MGST1: variants seen among roughly 807,000 people sequenced by gnomAD.
MGST1 encodes glutathione S-transferase 12.
In MGST1, 5 loss-of-function variants were observed where a neutral mutation model predicts 8.9. The observed-to-expected ratio is 0.56, with a 90% confidence interval of 0.29 to 1.19. MGST1 has a LOEUF of 1.19. Ranked by LOEUF, MGST1 falls within the 50% of genes most tolerant of loss-of-function variation. The pLI is 0.08. For missense variants in MGST1, 182 were observed against 187.4 expected (o/e 0.97, Z 0.17); for synonymous variants, 54 against 67.8 (o/e 0.80, Z 1.00).
chr12:16,414,037 A>C (rs1001374119), intron 1 of MGST1, among the ~76,000 whole-genome samples: 20 of 151,630 alleles, frequency 1.3e-4, no homozygotes, highest in South Asian at 4.2e-4. Flanking sequence ...TTGCCTGCTA[A>C]GAGTTGGGAC....
chr12:16,412,103 T>G lies in MGST1; in HGVS notation n.779-25285T>G, dbSNP rs191565392. On this transcript the variant is annotated intron_variant and non_coding_transcript_variant, in intron 1 of 1. Transcript: ENST00000359720. ...TTTTTAAATTAAGAAGTTTTACACT[T>G]GCAGTGTGGACATTGAGGCTATATT... 3.1e-3 allele frequency among the ~76,000 whole-genome samples: 470 copies of G among 152,308 alleles called. 1 individual carries two copies. The highest frequency in any genetic ancestry group is 3.8e-3 in the Non-Finnish European group (261 of 68,028).
intron 4 of MGST1, among the ~76,000 whole-genome samples, chr12:16,460,561 G>T (rs1167910628): frequency 6.7e-6 from 1 of 150,058 alleles, no homozygotes; most frequent in East Asian, 2.0e-4. Context: ...GCTTGAGCCT[G>T]CCTAGGGCTT....
At chr12:16,529,493 T>C (rs1941709396) in intron 4 of MGST1, among the ~76,000 whole-genome samples, 1 of 152,050 alleles carries the variant, frequency 6.6e-6, no homozygotes, top group Non-Finnish European at 1.5e-5. Flanking sequence ...CACAAGTCTA[T>C]CAACAATTTC....
chr12:16,402,957 ATAT>A (rs1329260436), intron 1 of MGST1, among the ~76,000 whole-genome samples: 27 of 149,162 alleles, frequency 1.8e-4, no homozygotes, highest in Non-Finnish European at 7.4e-5. Context: ...TATATTCTCT[ATAT>A]ATTTATTATT....
At chr12:16,581,425 C>T (rs2137539279) in intron 4 of MGST1, among the ~76,000 whole-genome samples, 1 of 152,174 alleles carries the variant, frequency 6.6e-6, no homozygotes, top group African/African-American at 2.4e-5. Flanking sequence ...CAGCACTTAG[C>T]ACATATATAA....
In MGST1 at chr12:16,413,569, T is replaced by G. The variant is rs1462412065; in HGVS notation, n.779-23819T>G. Among the ~76,000 whole-genome samples the G allele has an allele frequency of 6.6e-6, 1 of 152,148 alleles. No individual in the cohort carries two copies. The highest frequency in any genetic ancestry group is 1.9e-4 in the East Asian group (1 of 5,196). ...TGGTGAAATACCCATCACACCTGAT[T>G]CCCTTTTATCCCCTCCCCAGGTCCA... On this transcript the variant is annotated intron_variant and non_coding_transcript_variant, in intron 1 of 1. Coordinates refer to the MGST1 transcript ENST00000359720. This position sits in a 1 kb window ranked among gnomAD's most constrained non-coding sequence, Gnocchi z 4.0.
chr12:16,365,919 TTA>T (rs1940180338), downstream of MGST1, among the ~76,000 whole-genome samples: 1 of 152,230 alleles, frequency 6.6e-6, no homozygotes, highest in African/African-American at 2.4e-5. Context: ...CATGTGTGAA[TTA>T]TCTCAGTAAT....
intron 4 of MGST1, among the ~76,000 whole-genome samples, chr12:16,472,451 A>T (rs1355421395): frequency 5.0e-5 from 7 of 141,228 alleles, no homozygotes; most frequent in Admixed American, 7.0e-5. Context: ...TTTTTTTTTT[A>T]AAGTCCTCTG....
downstream of MGST1, among the ~76,000 whole-genome samples, chr12:16,440,014 T>G (rs1941026042): frequency 6.6e-6 from 1 of 151,758 alleles, no homozygotes; most frequent in Admixed American, 6.6e-5. Flanking sequence ...CACAGCAACA[T>G]TAAAATGACT....
intron 4 of MGST1, among the ~76,000 whole-genome samples, chr12:16,575,405 C>T (rs556452874): frequency 2.0e-5 from 3 of 152,246 alleles, no homozygotes; most frequent in East Asian, 1.9e-4. Flanking sequence ...CAAAGATTTC[C>T]CTTTGCTTAC....
chr12:16,438,669 G>A (rs949403398), exon 2 of MGST1: 6 of 151,738 alleles, frequency 4.0e-5, no homozygotes, highest in Non-Finnish European at 8.8e-5. Flanking sequence ...TTTCTGCTTC[G>A]TTTCCTTCTT....
intron 4 of MGST1, among the ~76,000 whole-genome samples, chr12:16,505,265 C>G (rs937159677): frequency 3.9e-5 from 6 of 152,098 alleles, no homozygotes; most frequent in Non-Finnish European, 8.8e-5. Flanking sequence ...AATGCCTGTT[C>G]AATAAGCATA....
intron 4 of MGST1, among the ~76,000 whole-genome samples, chr12:16,536,803 C>T (rs1434698154): frequency 7.2e-5 from 11 of 152,156 alleles, no homozygotes; most frequent in Admixed American, 5.2e-4. Context: ...AAACTACCCT[C>T]ATGATTCAAA....
At chr12:16,468,334 C>G (rs1476687475) in intron 4 of MGST1, among the ~76,000 whole-genome samples, 1 of 152,140 alleles carries the variant, frequency 6.6e-6, no homozygotes, top group Non-Finnish European at 1.5e-5. Flanking sequence ...TACAATTTTT[C>G]AAACATAGAA....
rs138649170 is a variant in MGST1, at chr12:16,388,068, T to G, written n.778+4464T>G. 4.5e-4 allele frequency among the ~76,000 whole-genome samples: 68 copies of G among 152,076 alleles called. 1 individual carries two copies. Among genetic ancestry groups the G allele is most frequent in the South Asian group, 1.5e-3 (7 of 4,810 alleles). On this transcript the variant is annotated intron_variant and non_coding_transcript_variant, in intron 1 of 1. Transcript: ENST00000359720. ...CTGCCAATCCATCCCTCAGAATGTA[T>G]CTCTGTTGTTAAGCAATACATGACT...
At position 16,548,888 on chromosome 12, in the gene MGST1, A is replaced by G. The variant is rs1246265338; in HGVS notation, n.483-40640A>G. 1.3e-5 allele frequency: 2 copies of G among 152,182 alleles called. No homozygotes were observed. The highest frequency in any genetic ancestry group is 4.8e-5 in the African/African-American group (2 of 41,444). The allele number at this position is 152,182 out of a possible 1,614,324, so 9.4% of individuals were successfully genotyped here. The stretch of plus-strand genomic sequence containing the variant: ...AGTAATTTTGTTTGTAGTAAAAAGC[A>G]TAAGAAATAATTCTCAGCATATTAT... On this transcript the variant is annotated intron_variant and non_coding_transcript_variant, in intron 4 of 4. Coordinates refer to the MGST1 transcript ENST00000538857. This position sits in a 1 kb window ranked among gnomAD's most constrained non-coding sequence, Gnocchi z 4.2.
intron 4 of MGST1, among the ~76,000 whole-genome samples, chr12:16,499,643 GT>G (rs112143393): frequency 0.012 from 1,754 of 146,352 alleles, 34 homozygotes; most frequent in African/African-American, 0.042. Context: ...ACCCAGAAGA[GT>G]TTTTTTTTTT....
chr12:16,539,823 C>G (rs748418474), intron 4 of MGST1, among the ~76,000 whole-genome samples: 68 of 152,182 alleles, frequency 4.5e-4, no homozygotes, highest in Non-Finnish European at 6.6e-4. Flanking sequence ...TCAAAGTACA[C>G]ACATACATAT....
In MGST1 at chr12:16,503,682, C is replaced by A. The variant is rs141049868; in HGVS notation, n.483-85846C>A. ...TAGGGATAGGGTGGCAGCAGCTTTC[C>A]ATAAGACATGTCCAACAGTGTGCCG... On this transcript the variant is annotated intron_variant and non_coding_transcript_variant, in intron 4 of 4. Coordinates refer to the MGST1 transcript ENST00000538857. The surrounding 1 kb of genome is among the most constrained non-coding windows in gnomAD (Gnocchi z 4.8). 1.0e-3 allele frequency among the ~76,000 whole-genome samples: 157 copies of A among 152,250 alleles called. No individual in the cohort carries two copies. The highest frequency in any genetic ancestry group is 2.1e-3 in the Non-Finnish European group (140 of 68,020).
Sources: gnomAD v4.1 joint callset for allele counts (sites outside exome capture counted in the v4.1 genomes callset) on GRCh38, gnomAD v4.1.1 for gene constraint, Gnocchi (gnomAD v3.1) non-coding constraint, MANE v1.5 for transcripts, NCBI Gene and HGNC (gene_info 2026-07-23, HGNC 2026-07-21) for gene names.